The following GET4 variants were observed in gnomAD, a reference collection of about 807,000 sequenced individuals.
GET4 encodes guided entry of tail-anchored proteins factor 4.
In GET4, 20 loss-of-function variants were observed where a neutral mutation model predicts 40.0. The ratio of observed to expected loss-of-function variants is 0.50; its 90% confidence interval spans 0.35 to 0.73. The LOEUF is 0.73. Among genes scored for constraint, GET4 ranks in the 30% least tolerant of loss-of-function variants. The pLI is 0.01. For missense variants in GET4, 557 were observed against 454.0 expected, an observed-to-expected ratio of 1.23 and a Z score of -2.06; for synonymous variants, 280 against 194.6, an observed-to-expected ratio of 1.44 and a Z score of -3.65.
At chr7:886,980 G>T in intron 3 of GET4, 3 of 514,736 alleles carry the variant, frequency 5.8e-6, no homozygotes, top group South Asian at 3.9e-5. Flanking sequence ...CTGTCCTGTC[G>T]GGTGACGTGC....
chr7:895,607 G>C lies in GET4; in HGVS notation c.*185G>C. 1 of 462,464 alleles carries C rather than the reference G, an allele frequency of 2.2e-6. No homozygotes were observed. Among genetic ancestry groups the C allele is most frequent in the Non-Finnish European group, 3.9e-6 (1 of 257,700 alleles). The allele number at this position is 462,464 out of a possible 1,614,324, so 28.6% of individuals were successfully genotyped here. On this transcript the variant is annotated 3_prime_UTR_variant, in exon 9 of 9. Coordinates refer to ENST00000265857, the MANE Select transcript of GET4 (RefSeq NM_015949.3). ...CGCGGCTGCTGCTCACTGTGCTGCT[G>C]GGACCCAAGAGTGGGGCGTCGCCCC...
At chr7:890,518 A>G (rs1287489719) in intron 4 of GET4, among the ~76,000 whole-genome samples, 1 of 151,868 alleles carries the variant, frequency 6.6e-6, no homozygotes, top group East Asian at 1.9e-4. Context: ...GTGTGGTGAG[A>G]ACATCAGGCT....
chr7:893,970 C>G lies in GET4; in HGVS notation c.894C>G (p.Leu298=). 2 of 1,587,454 alleles carry G rather than the reference C, an allele frequency of 1.3e-6. No individual in the cohort carries two copies. Among genetic ancestry groups the G allele is most frequent in the Admixed American group, 1.7e-5 (1 of 58,502 alleles). Residue 298 remains leucine, a splice_region_variant and synonymous_variant, in exon 8 of 9, where the codon CTC becomes CTG. Coordinates refer to ENST00000265857, the MANE Select transcript of GET4 (RefSeq NM_015949.3). ...PKQTSSYGGL[L]GNLLTSLMGS... ...AGACGTCTTCCTACGGGGGCCTGCT[C>G]GGTAAGCCGGGGCGCCCTTGTCACA...
rs1844310670 is a variant in GET4 at position 891,044 on chromosome 7, T to A, written c.583T>A (p.Phe195Ile). 1 of 1,607,854 alleles carries A rather than the reference T, an allele frequency of 6.2e-7. No individual in the cohort carries two copies. The highest frequency in any genetic ancestry group is 8.5e-7 in the Non-Finnish European group (1 of 1,175,632). Residue 195 changes from phenylalanine (F) to isoleucine (I), a missense_variant, in exon 5 of 9, where the codon TTC becomes ATC. Transcript: ENST00000265857. ...SRGFRSEVDM[F>I]VAQAVLQFLC... ...CGGCTTCCGCAGCGAGGTGGACATG[T>A]TCGTGGCCCAGGCCGTGCTACAGTA... is the stretch of plus-strand genomic sequence containing the variant.
chr7:894,930 CT>C (rs1203053705), intron 8 of GET4, among the ~76,000 whole-genome samples: 1 of 152,194 alleles, frequency 6.6e-6, no homozygotes, highest in African/African-American at 2.4e-5. Context: ...TCATGTGTCA[CT>C]GTAGGGCGCA....
In GET4 at chr7:893,911, A is replaced by G; in HGVS notation, c.835A>G (p.Ile279Val). 6.2e-7 allele frequency: 1 copy of G among 1,611,424 alleles called. No individual in the cohort carries two copies. The highest frequency in any genetic ancestry group is 8.5e-7 in the Non-Finnish European group (1 of 1,178,440). ...DPMYNEYLDR[I>V]GQLFFGVPPK... ...CTGTGCCTTGCAGTACCTCGACCGC[A>G]TAGGACAGCTGTTCTTCGGCGTCCC... The change falls in exon 8 of 9, where the codon ATA (isoleucine) becomes GTA (valine). Residue 279 changes from isoleucine (I) to valine (V), a missense_variant. Ile to Val is a conservative substitution (Grantham distance 29). Transcript: ENST00000265857.
At chr7:880,011 CCT>C (rs1406151108) in intron 1 of GET4, 1 of 152,208 alleles carries the variant, frequency 6.6e-6, no homozygotes, top group Admixed American at 6.5e-5. Context: ...CAGCATTCAC[CCT>C]GATGCCTGCC....
chr7:891,146 C>T (rs1844313243), intron 5 of GET4, 80 bp downstream of exon 5: 2 of 1,130,044 alleles, frequency 1.8e-6, no homozygotes, highest in Non-Finnish European at 2.5e-6. Flanking sequence ...CCCTTGTCCC[C>T]TGTCCGAGCC....
In GET4 at chr7:876,703, C is replaced by G; in HGVS notation, c.58C>G (p.Arg20Gly). ...QESARNGGRN[R>G]GGVQRVEGKL... ...GAGCGCCCGGAACGGCGGCCGCAAC[C>G]GCGGCGGCGTCCAGCGTGTGGAGGG... Residue 20 changes from arginine to glycine, a missense_variant, in exon 1 of 9, where the codon CGC becomes GGC. Transcript: ENST00000265857. The G allele has an allele frequency of 7.4e-7, 1 of 1,360,106 alleles. No homozygotes were observed. 84.3% of individuals were successfully genotyped at this position (1,360,106 alleles called of 1,614,324 possible).
rs543840993 is a variant in GET4, at chr7:894,023, G to T, written c.895+52G>T. 8.7e-6 allele frequency: 11 copies of T among 1,265,742 alleles called. No homozygotes were observed. The East Asian group carries it at 2.0e-4, about 23-fold the overall frequency. 78.4% of individuals were successfully genotyped at this position (1,265,742 alleles called of 1,614,324 possible). On this transcript the variant is annotated intron_variant, in intron 8 of 8. Transcript: ENST00000265857. ...CACTCCAGCCCTGGGTCGGTGTGGG[G>T]TCATCATCTCTGCCCAGGCAGGTCC...
chr7:884,319 G>A (rs905558935), intron 1 of GET4: 3 of 1,304,056 alleles, frequency 2.3e-6, no homozygotes, highest in Non-Finnish European at 3.0e-6. Context: ...AGTCAGTCAT[G>A]TCCCTGCAGG....
chr7:882,966 AGT>A (rs2128627101), intron 1 of GET4: 1 of 152,368 alleles, frequency 6.6e-6, no homozygotes, highest in South Asian at 2.1e-4. Context: ...CTCCTCCTGC[AGT>A]GTGTTTGCGT....
Position 892,166 on chromosome 7 carries a change from C to T in GET4, c.606-112C>T, listed in dbSNP as rs536923301. 226 of 1,091,352 alleles carry T rather than the reference C, an allele frequency of 2.1e-4. No homozygotes were observed. The African/African-American group carries it at 2.9e-3, about 14-fold the overall frequency. 67.6% of individuals were successfully genotyped at this position (1,091,352 alleles called of 1,614,324 possible). A position where few individuals can be genotyped will look rare whatever the true frequency, so the allele number is the denominator to read the frequency against. Reference sequence around the variant, plus strand: ...ACTGGGTCCCTCCATGGCCTTGGGCCGCAGGAACCGTGGGCGCACGAGCTT... The same window carrying T: ...ACTGGGTCCCTCCATGGCCTTGGGCTGCAGGAACCGTGGGCGCACGAGCTT... On this transcript the variant is annotated intron_variant, in intron 5 of 8. Transcript: ENST00000265857.
intron 8 of GET4, among the ~76,000 whole-genome samples, chr7:895,023 C>G (rs1007480415): frequency 6.6e-6 from 1 of 151,500 alleles, no homozygotes; most frequent in African/African-American, 2.4e-5. Context: ...TCCGTGGCTC[C>G]TGTTGGTGGG....
intron 3 of GET4, chr7:887,168 T>G (rs1253951296): frequency 1.4e-6 from 1 of 731,840 alleles, no homozygotes; most frequent in Non-Finnish European, 2.5e-6. Context: ...CCGTCCTTCC[T>G]TCCTCGCTGT....
intron 1 of GET4, among the ~76,000 whole-genome samples, chr7:877,079 C>T (rs1238666740): frequency 2.6e-5 from 4 of 151,824 alleles, no homozygotes; most frequent in Admixed American, 2.6e-4. Flanking sequence ...CTCCCAGCCT[C>T]CACCTGTTCC....
In GET4 at chr7:893,983, C is replaced by G. The variant is rs371239005; in HGVS notation, c.895+12C>G. 2.4e-5 allele frequency: 38 copies of G among 1,566,052 alleles called. No homozygotes were observed. In the African/African-American group the frequency reaches 4.6e-4, roughly 19 times the overall value. On this transcript the variant is annotated intron_variant, in intron 8 of 8. Transcript: ENST00000265857. Reference sequence around the variant, plus strand: ...CGGGGGCCTGCTCGGTAAGCCGGGGCGCCCTTGTCACACCCACTCCAGCCC... The same window carrying G: ...CGGGGGCCTGCTCGGTAAGCCGGGGGGCCCTTGTCACACCCACTCCAGCCC...
rs767301127 is a variant in GET4, at chr7:890,885, T to C, written c.467-43T>C. On this transcript the variant is annotated intron_variant, in intron 4 of 8. Coordinates refer to ENST00000265857, the MANE Select transcript of GET4 (RefSeq NM_015949.3). ...TTTCCCCCTTTCCTTTTCTGTGTTA[T>C]ATTCGTGAAATGTATTTACATTTTT... 11 of 1,466,708 alleles carry C rather than the reference T, an allele frequency of 7.5e-6. 1 individual carries two copies. The highest frequency in any genetic ancestry group is 2.3e-5 in the South Asian group (2 of 87,908). 90.9% of individuals were successfully genotyped at this position (1,466,708 alleles called of 1,614,324 possible).
intron 6 of GET4, among the ~76,000 whole-genome samples, chr7:892,645 AAGTGTAGACATGGCG>A (rs1844354318): frequency 1.8e-4 from 9 of 50,790 alleles, no homozygotes; most frequent in South Asian, 7.0e-4. Flanking sequence ...GTGTATGTGC[AAGTGTAGACATGGCG>A]TGGGGGAGTG....
Sources: allele counts gnomAD v4.1 joint callset (sites outside exome capture counted in the v4.1 genomes callset), GRCh38; gene constraint gnomAD v4.1.1; transcripts MANE v1.5; gene names NCBI Gene and HGNC (gene_info 2026-07-23, HGNC 2026-07-21).